Variants in XKR4 observed in about 807,000 individuals in gnomAD.
XKR4 encodes the protein XK related 4.
Under a neutral mutation model 53.9 loss-of-function variants are expected in XKR4, and 12 were observed. The ratio of observed to expected loss-of-function variants is 0.22; its 90% CI spans 0.14 to 0.36. The LOEUF is 0.36. Among genes scored for constraint, XKR4 ranks in the 10% least tolerant of loss-of-function variants. The pLI, the probability that XKR4 is intolerant of heterozygous loss-of-function variation, is 1.00. For missense variants in XKR4, 799 were observed against 859.5 expected (o/e 0.93, Z 0.88); for synonymous variants, 354 against 362.4 (o/e 0.98, Z 0.26).
chr8:55,149,722 GA>G (rs1816816909), intron 1 of XKR4, among the ~76,000 whole-genome samples: 1 of 152,064 alleles, frequency 6.6e-6, no homozygotes, highest in Admixed American at 6.6e-5. Flanking sequence ...CTGGGATTAG[GA>G]AAAAACTAGC....
chr8:55,324,076 G>T lies in XKR4; in HGVS notation c.807-33602G>T, dbSNP rs145135428. Among the ~76,000 whole-genome samples the T allele has an allele frequency of 4.6e-5, 7 of 152,076 alleles. No individual in the cohort carries two copies. The East Asian group carries it at 1.4e-3, about 29-fold the overall frequency. On this transcript the variant is annotated intron_variant, in intron 1 of 2. Coordinates refer to ENST00000327381, the MANE Select transcript of XKR4 (RefSeq NM_052898.2). ...ATATTTTTGATAATTCTAACATCTG[G>T]GTTATCTTAGGGTTGACATTTTTTA...
intron 1 of XKR4, among the ~76,000 whole-genome samples, chr8:55,281,982 G>A (rs141683461): frequency 7.9e-5 from 12 of 152,266 alleles, no homozygotes; most frequent in Admixed American, 4.6e-4. Flanking sequence ...GCTGGAGCTC[G>A]GTCAGTGGAA....
intron 1 of XKR4, among the ~76,000 whole-genome samples, chr8:55,341,023 TAATACCA>T: frequency 6.6e-6 from 1 of 152,180 alleles, no homozygotes; most frequent in Non-Finnish European, 1.5e-5. Context: ...GGAACTCATG[TAATACCA>T]ATGGTACTTT....
intron 1 of XKR4, among the ~76,000 whole-genome samples, chr8:55,328,632 A>T (rs1452067929): frequency 6.6e-6 from 1 of 152,166 alleles, no homozygotes; most frequent in African/African-American, 2.4e-5. Context: ...CATTGCACAG[A>T]GAGCAGAGCC....
chr8:55,360,190 G>C (rs1374474298), intron 2 of XKR4, among the ~76,000 whole-genome samples: 1 of 152,178 alleles, frequency 6.6e-6, no homozygotes. Context: ...GTGGGTAGAT[G>C]GTTGTGTTAC....
At chr8:55,214,752 T>A (rs1817778238) in intron 1 of XKR4, among the ~76,000 whole-genome samples, 1 of 152,152 alleles carries the variant, frequency 6.6e-6, no homozygotes, top group Admixed American at 6.5e-5. Flanking sequence ...TGTGGGTACC[T>A]AAGGGGAGGG....
At chr8:55,332,849 C>A (rs1803401221) in intron 1 of XKR4, among the ~76,000 whole-genome samples, 2 of 151,092 alleles carry the variant, frequency 1.3e-5, no homozygotes, top group Middle Eastern at 3.4e-3. Flanking sequence ...TTTACTGGAA[C>A]TTCCATAATA....
intron 2 of XKR4, among the ~76,000 whole-genome samples, chr8:55,364,386 G>A (rs1187830024): frequency 2.6e-5 from 4 of 152,172 alleles, no homozygotes; most frequent in African/African-American, 4.8e-5. Flanking sequence ...CCTACGGGAT[G>A]AGCCCTCCTC....
At chr8:55,481,769 T>C (rs1480208743) in intron 2 of XKR4, among the ~76,000 whole-genome samples, 1 of 152,120 alleles carries the variant, frequency 6.6e-6, no homozygotes, top group South Asian at 2.1e-4. Flanking sequence ...AGAAGACATT[T>C]ATGCAGCCAA....
chr8:55,252,794 G>T (rs1818378558), intron 1 of XKR4, among the ~76,000 whole-genome samples: 3 of 152,204 alleles, frequency 2.0e-5, no homozygotes, highest in Non-Finnish European at 4.4e-5. Context: ...AAGTCTGTGA[G>T]GAGCTGGGAC....
At chr8:55,495,037 G>C (rs867836515) in intron 2 of XKR4, among the ~76,000 whole-genome samples, 1 of 137,450 alleles carries the variant, frequency 7.3e-6, no homozygotes, top group South Asian at 2.6e-4. Context: ...GCACCAGGCT[G>C]TCCTCAATAC....
At chr8:55,285,401 T>C (rs949039867) in intron 1 of XKR4, among the ~76,000 whole-genome samples, 2 of 151,992 alleles carry the variant, frequency 1.3e-5, no homozygotes, top group South Asian at 4.1e-4. Context: ...GAAAAATAAA[T>C]CTTTATTTCA....
chr8:55,479,370 T>C (rs1806061680), intron 2 of XKR4, among the ~76,000 whole-genome samples: 1 of 151,852 alleles, frequency 6.6e-6, no homozygotes, highest in Non-Finnish European at 1.5e-5. Flanking sequence ...AGACACAACA[T>C]ACCAGAATCT....
chr8:55,162,225 A>G (rs1816995159), intron 1 of XKR4, among the ~76,000 whole-genome samples: 1 of 152,132 alleles, frequency 6.6e-6, no homozygotes. Flanking sequence ...GTACACACCG[A>G]GTGCCTCCGA....
At chr8:55,333,455 A>G (rs933545421) in intron 1 of XKR4, among the ~76,000 whole-genome samples, 4 of 152,130 alleles carry the variant, frequency 2.6e-5, no homozygotes, top group African/African-American at 9.7e-5. Context: ...CCTTGGGCCT[A>G]TGAGTGTGCT....
At chr8:55,360,261 C>T (rs1242367328) in intron 2 of XKR4, among the ~76,000 whole-genome samples, 2 of 152,168 alleles carry the variant, frequency 1.3e-5, no homozygotes, top group Non-Finnish European at 2.9e-5. Context: ...CAACGAAGAC[C>T]AGCCCAGGCA....
At chr8:55,296,043 G>C (rs531839445) in intron 1 of XKR4, among the ~76,000 whole-genome samples, 1 of 152,186 alleles carries the variant, frequency 6.6e-6, no homozygotes, top group South Asian at 2.1e-4. Context: ...GCAGAAGTTG[G>C]GATCAATGGT....
At chr8:55,503,279 T>C (rs997592959) in intron 2 of XKR4, among the ~76,000 whole-genome samples, 9 of 152,206 alleles carry the variant, frequency 5.9e-5, no homozygotes, top group African/African-American at 1.4e-4. Flanking sequence ...TTGGGTAGTA[T>C]TGACATCTTA....
intron 1 of XKR4, among the ~76,000 whole-genome samples, chr8:55,345,348 C>G (rs1803620821): frequency 6.6e-6 from 1 of 151,816 alleles, no homozygotes; most frequent in African/African-American, 2.4e-5. Context: ...TAAAAATAAG[C>G]CTTTATGAAA....
Sources: allele counts gnomAD v4.1 joint callset (sites outside exome capture counted in the v4.1 genomes callset), GRCh38; gene constraint gnomAD v4.1.1; transcripts MANE v1.5; gene names NCBI Gene and HGNC (gene_info 2026-07-23, HGNC 2026-07-21).